Variants in CDKL4 observed in about 807,000 individuals in gnomAD.
CDKL4 encodes cyclin dependent kinase like 4.
CDKL4 carries 44 observed loss-of-function variants against 42.0 expected under a neutral mutation model. That is an observed-to-expected ratio of 1.05 (90% confidence interval 0.82 to 1.35). The LOEUF is 1.35. Among genes scored for constraint, CDKL4 ranks in the 40% most tolerant of loss-of-function variants. CDKL4 has a pLI of 0.00. For synonymous variants in CDKL4, 120 were observed against 121.6 expected (o/e 0.99, Z 0.09); for missense variants, 393 against 369.9 (o/e 1.06, Z -0.51).
At chr2:39,179,974 C>A (rs1381059904) in intron 8 of CDKL4, among the ~76,000 whole-genome samples, 2 of 152,178 alleles carry the variant, frequency 1.3e-5, no homozygotes, top group African/African-American at 4.8e-5. Context: ...AGGTCGGCTT[C>A]TGAGAGTGGG....
intron 1 of CDKL4, among the ~76,000 whole-genome samples, chr2:39,238,084 G>T (rs1207834820): frequency 1.3e-5 from 2 of 152,150 alleles, no homozygotes; most frequent in Admixed American, 6.5e-5. Flanking sequence ...AAAATGCCAT[G>T]TTCATGGATT....
At chr2:39,186,895 T>C (rs1398314676) in intron 7 of CDKL4, among the ~76,000 whole-genome samples, 1 of 152,202 alleles carries the variant, frequency 6.6e-6, no homozygotes, top group Non-Finnish European at 1.5e-5. Context: ...AAATTTAACA[T>C]TAATTTTTGA....
Position 39,193,563 on chromosome 2 carries a change from C to T in CDKL4, c.455-3061G>A, listed in dbSNP as rs191184505. 6.6e-3 allele frequency among the ~76,000 whole-genome samples: 1,006 copies of T among 151,974 alleles called. 11 individuals carry two copies. Among genetic ancestry groups the T allele is most frequent in the African/African-American group, 0.023 (964 of 41,464 alleles). ...GCTAATTTTGTATTTTTAGTAGAGA[C>T]GGGGTTTCTCCATGTGGGTCAGGCT... On this transcript the variant is annotated intron_variant, in intron 5 of 9. Transcript: ENST00000451199.
chr2:39,190,533 C>A (rs1487663386), intron 5 of CDKL4, 31 bp from the exon 6 acceptor site: 1 of 1,592,714 alleles, frequency 6.3e-7, no homozygotes, highest in South Asian at 1.1e-5. Flanking sequence ...TCAGGTAAGT[C>A]AATTCTCCCA....
At chr2:39,213,293 C>T (rs538141555) in intron 4 of CDKL4, 107 bp downstream of exon 4, 1 of 721,408 alleles carries the variant, frequency 1.4e-6, no homozygotes, top group South Asian at 2.0e-5. Flanking sequence ...GCTTCTTTGG[C>T]TCTTACTTTC....
chr2:39,241,000 T>C (rs919600045), intron 1 of CDKL4, among the ~76,000 whole-genome samples: 8 of 152,274 alleles, frequency 5.3e-5, no homozygotes, highest in Admixed American at 3.9e-4. Flanking sequence ...ACTAGAGAGA[T>C]GGAAAAACAA....
intron 3 of CDKL4, among the ~76,000 whole-genome samples, chr2:39,217,733 T>C (rs985910519): frequency 1.4e-5 from 2 of 145,148 alleles, no homozygotes; most frequent in East Asian, 3.9e-4. Flanking sequence ...TATTTATTTA[T>C]TTATTTATTT....
chr2:39,172,385 G>A (rs1675025179), downstream of CDKL4, among the ~76,000 whole-genome samples: 1 of 152,064 alleles, frequency 6.6e-6, no homozygotes, highest in Non-Finnish European at 1.5e-5. Context: ...AGATGCTGAA[G>A]AGCAACTGTT....
intron 5 of CDKL4, among the ~76,000 whole-genome samples, chr2:39,196,206 A>G (rs1676507872): frequency 6.6e-6 from 1 of 152,190 alleles, no homozygotes; most frequent in South Asian, 2.1e-4. Context: ...CAACCAAGTC[A>G]ACCAACATAA....
intron 3 of CDKL4, among the ~76,000 whole-genome samples, chr2:39,218,664 C>T (rs536447886): frequency 2.0e-5 from 3 of 152,260 alleles, no homozygotes; most frequent in African/African-American, 4.8e-5. Flanking sequence ...TACAACAAAA[C>T]GGTAGGGGAA....
exon 3 of CDKL4, chr2:39,225,933 G>A: frequency 1.2e-6 from 2 of 1,610,354 alleles, no homozygotes; most frequent in Non-Finnish European, 1.7e-6. Flanking sequence ...ACCTCGATGA[G>A]GTTCACAAGA....
the CDKL4 span, among the ~76,000 whole-genome samples, chr2:39,169,447 G>C: frequency 6.6e-6 from 1 of 152,064 alleles, no homozygotes. Flanking sequence ...GAGAGAGGAA[G>C]GTAACTCCTG....
chr2:39,228,528 G>C (rs1469549256), intron 2 of CDKL4, among the ~76,000 whole-genome samples: 2 of 152,188 alleles, frequency 1.3e-5, no homozygotes, highest in Non-Finnish European at 2.9e-5. Context: ...TTGCCTGTGT[G>C]TCCTTGAAAT....
At chr2:39,171,940 A>G (rs1558538100), downstream of CDKL4, among the ~76,000 whole-genome samples, 1 of 152,230 alleles carries the variant, frequency 6.6e-6, no homozygotes, top group Admixed American at 6.5e-5. Context: ...ACAAGAGCCT[A>G]ACAGAAACTC....
In CDKL4 at chr2:39,179,278, T is replaced by A. The variant is rs752001236; in HGVS notation, c.836A>T (p.Gln279Leu). Reference sequence around the variant, plus strand: ...ATCAAAGTAGGAGCTCTCCAGGAGTTGGGAACAGGTTAATCTGTCATCTGG... The same window carrying A: ...ATCAAAGTAGGAGCTCTCCAGGAGTAGGGAACAGGTTAATCTGTCATCTGG... Residue 279 changes from glutamine to leucine, a missense_variant, in exon 9 of 10, where the codon CAA becomes CTA. Gln to Leu is a moderately radical substitution (Grantham distance 113, BLOSUM62 -2). Coordinates refer to ENST00000451199, the Ensembl canonical transcript of CDKL4. 5 of 1,612,326 alleles carry A rather than the reference T, an allele frequency of 3.1e-6. No homozygotes were observed. In the South Asian group the frequency reaches 5.5e-5, roughly 18 times the overall value.
chr2:39,206,093 G>C (rs1438355117), intron 4 of CDKL4, among the ~76,000 whole-genome samples: 1 of 150,846 alleles, frequency 6.6e-6, no homozygotes, highest in Non-Finnish European at 1.5e-5. Flanking sequence ...TCACTGTGTC[G>C]CCCAGGCTGG....
intron 2 of CDKL4, among the ~76,000 whole-genome samples, chr2:39,226,456 T>TTATATATATATATA (rs1553393161): frequency 1.5e-5 from 2 of 137,440 alleles, no homozygotes; most frequent in African/African-American, 5.6e-5. Flanking sequence ...TATATATATA[T>TTATATATATATATA]TATATATATT....
At chr2:39,225,339 A>T (rs1678632994) in intron 3 of CDKL4, among the ~76,000 whole-genome samples, 2 of 151,730 alleles carry the variant, frequency 1.3e-5, no homozygotes, top group African/African-American at 4.8e-5. Flanking sequence ...CAGGAGGTGG[A>T]GGTTGCAGTG....
At chr2:39,217,497 T>C (rs2148362610) in intron 3 of CDKL4, among the ~76,000 whole-genome samples, 1 of 152,300 alleles carries the variant, frequency 6.6e-6, no homozygotes, top group Middle Eastern at 3.4e-3. Flanking sequence ...ATTTCATTAT[T>C]ATTACCCAAG....
Sources: allele counts gnomAD v4.1 joint callset (sites outside exome capture counted in the v4.1 genomes callset), GRCh38; gene constraint gnomAD v4.1.1; transcripts MANE v1.5; gene names NCBI Gene and HGNC (gene_info 2026-07-23, HGNC 2026-07-21).